The following ATXN8OS variants were observed in gnomAD, a reference collection of about 807,000 sequenced individuals.
The protein encoded by ATXN8OS is ATXN8 opposite strand lncRNA.
chr13:70,162,013 T>C (rs915039610), intron 4 of ATXN8OS, among the ~76,000 whole-genome samples: 10 of 150,862 alleles, frequency 6.6e-5, no homozygotes, highest in Non-Finnish European at 1.2e-4. Context: ...AATTAAAAGA[T>C]GGAAGAGGTA....
At chr13:70,151,956 G>A (rs1888873677) in intron 4 of ATXN8OS, among the ~76,000 whole-genome samples, 1 of 151,958 alleles carries the variant, frequency 6.6e-6, no homozygotes, top group Admixed American at 6.6e-5. Context: ...ACCCTTCAAT[G>A]GTTTTCACCT....
chr13:70,146,508 C>T (rs1206694362), intron 3 of ATXN8OS, among the ~76,000 whole-genome samples: 2 of 152,106 alleles, frequency 1.3e-5, no homozygotes, highest in Admixed American at 6.5e-5. Flanking sequence ...AGACTTGAAA[C>T]CAACCCAAAT....
chr13:70,127,449 CTT>C (rs1462039290), intron 2 of ATXN8OS, among the ~76,000 whole-genome samples: 31 of 151,928 alleles, frequency 2.0e-4, no homozygotes, highest in Admixed American at 2.0e-3. Flanking sequence ...AATAAATTAA[CTT>C]AGTGTTCTAA....
intron 3 of ATXN8OS, among the ~76,000 whole-genome samples, chr13:70,133,897 G>C (rs1250053075): frequency 6.6e-6 from 1 of 152,156 alleles, no homozygotes; most frequent in Non-Finnish European, 1.5e-5. Context: ...TGTTACGGCA[G>C]TCCTCTAAGA....
intron 3 of ATXN8OS, among the ~76,000 whole-genome samples, chr13:70,144,049 G>A (rs1448713116): frequency 6.6e-6 from 1 of 152,028 alleles, no homozygotes; most frequent in Non-Finnish European, 1.5e-5. Flanking sequence ...ATGGTTTTGG[G>A]AAAATAAATT....
At chr13:70,142,865 G>A (rs1418803966) in intron 3 of ATXN8OS, among the ~76,000 whole-genome samples, 1 of 152,112 alleles carries the variant, frequency 6.6e-6, no homozygotes, top group Non-Finnish European at 1.5e-5. Flanking sequence ...CCTGAGGTCG[G>A]GATTTTGAGA....
chr13:70,164,474 G>A (rs1427762268), intron 4 of ATXN8OS, among the ~76,000 whole-genome samples: 4 of 151,716 alleles, frequency 2.6e-5, no homozygotes, highest in Non-Finnish European at 5.9e-5. Flanking sequence ...TCTTCTGAAA[G>A]TTAAAAAATT....
chr13:70,113,221 A>G lies in ATXN8OS; in HGVS notation n.241-1920A>G, dbSNP rs559366275. On this transcript the variant is annotated intron_variant and non_coding_transcript_variant, in intron 1 of 4. Transcript: ENST00000678624. ...AGGCATAAGCCACAGCGCCTGGCCTATGATGTGATTTTTAAAACACTTTCT... is the reference window on the plus strand; with the variant it reads ...AGGCATAAGCCACAGCGCCTGGCCTGTGATGTGATTTTTAAAACACTTTCT... 7.9e-4 allele frequency among the ~76,000 whole-genome samples: 120 copies of G among 152,154 alleles called. 3 individuals carry two copies. The South Asian group carries it at 0.025, about 31-fold the overall frequency.
At chr13:70,113,656 G>A (rs1888232922) in intron 1 of ATXN8OS, among the ~76,000 whole-genome samples, 1 of 152,090 alleles carries the variant, frequency 6.6e-6, no homozygotes. Context: ...AGATAAAATA[G>A]TATAACTTTG....
exon 5 of ATXN8OS, among the ~76,000 whole-genome samples, chr13:70,170,432 C>A (rs1889132225): frequency 6.6e-6 from 1 of 152,066 alleles, no homozygotes; most frequent in Admixed American, 6.6e-5. Context: ...AATTTCGCCA[C>A]TGGAGCACAG....
intron 4 of ATXN8OS, among the ~76,000 whole-genome samples, chr13:70,161,504 T>C (rs1889008445): frequency 6.6e-6 from 1 of 152,160 alleles, no homozygotes; most frequent in Admixed American, 6.6e-5. Flanking sequence ...ACCTTCTTTC[T>C]GTACTTAAGC....
chr13:70,152,348 TG>T (rs2137499670), intron 4 of ATXN8OS, among the ~76,000 whole-genome samples: 1 of 6,870 alleles, frequency 1.5e-4, no homozygotes, highest in Admixed American at 3.9e-3. Context: ...ACTCTGTACC[TG>T]TGTGTGTGTG....
intron 4 of ATXN8OS, among the ~76,000 whole-genome samples, chr13:70,147,844 G>C (rs117220157): frequency 6.6e-6 from 1 of 152,112 alleles, no homozygotes; most frequent in African/African-American, 2.4e-5. Context: ...CAAGATGGCT[G>C]GGATACAGTT....
intron 2 of ATXN8OS, among the ~76,000 whole-genome samples, chr13:70,127,268 T>G (rs1888452557): frequency 6.6e-6 from 1 of 152,034 alleles, no homozygotes; most frequent in Non-Finnish European, 1.5e-5. Flanking sequence ...GTAGGAGATC[T>G]AGATCCTATT....
intron 4 of ATXN8OS, among the ~76,000 whole-genome samples, chr13:70,164,229 T>TA (rs1474238014): frequency 1.3e-5 from 2 of 151,110 alleles, no homozygotes; most frequent in African/African-American, 4.8e-5. Context: ...TTCCCAAGGT[T>TA]ACCTTTTTTT....
intron 2 of ATXN8OS, among the ~76,000 whole-genome samples, chr13:70,118,279 T>C (rs1036171663): frequency 8.5e-5 from 13 of 152,086 alleles, no homozygotes; most frequent in African/African-American, 3.1e-4. Context: ...TTAACAGAAA[T>C]GACATTTCAC....
chr13:70,125,316 T>G (rs1566596485), intron 2 of ATXN8OS, among the ~76,000 whole-genome samples: 1 of 152,172 alleles, frequency 6.6e-6, no homozygotes, highest in Non-Finnish European at 1.5e-5. Context: ...ATCACCCAAC[T>G]ACTTGTCAAT....
At chr13:70,170,153 G>T (rs933382577) in exon 5 of ATXN8OS, among the ~76,000 whole-genome samples, 1 of 152,052 alleles carries the variant, frequency 6.6e-6, no homozygotes, top group African/African-American at 2.4e-5. Context: ...TCACATGCTT[G>T]CCTAGATTAA....
upstream of ATXN8OS, chr13:70,107,666 TCACATCGAAG>T: frequency 6.5e-7 from 1 of 1,537,678 alleles, no homozygotes. Flanking sequence ...AGAATGTGCT[TCACATCGAAG>T]TCTTTTCGCC....
Sources: allele counts gnomAD v4.1 joint callset (sites outside exome capture counted in the v4.1 genomes callset), GRCh38; gene constraint gnomAD v4.1.1; transcripts MANE v1.5; gene names NCBI Gene and HGNC (gene_info 2026-07-23, HGNC 2026-07-21).